Variants in EIF4E3 observed in about 807,000 individuals in gnomAD.
EIF4E3 encodes the protein eukaryotic translation initiation factor 4E type 3.
EIF4E3 carries 26 observed loss-of-function variants against 31.7 expected under a neutral mutation model. The ratio of observed to expected loss-of-function variants is 0.82; its 90% confidence interval spans 0.60 to 1.14. The LOEUF (loss-of-function observed/expected upper bound fraction) is 1.14. Among genes scored for constraint, EIF4E3 ranks in the 50% most tolerant of loss-of-function variants. The pLI is 0.00. For synonymous variants in EIF4E3, 128 were observed against 107.7 expected, an observed-to-expected ratio of 1.19 and a Z score of -1.17; for missense variants, 304 against 270.9, an observed-to-expected ratio of 1.12 and a Z score of -0.86.
intron 1 of EIF4E3, among the ~76,000 whole-genome samples, chr3:71,748,510 A>T (rs559020452): frequency 6.6e-6 from 1 of 152,250 alleles, no homozygotes; most frequent in Non-Finnish European, 1.5e-5. Flanking sequence ...ACTGAGAGAG[A>T]GGGGAGCTGC....
At chr3:71,709,295 T>G (rs984680651) in intron 2 of EIF4E3, among the ~76,000 whole-genome samples, 1 of 152,232 alleles carries the variant, frequency 6.6e-6, no homozygotes, top group Non-Finnish European at 1.5e-5. Context: ...ATTCTCTACC[T>G]GCACCAGCCC....
chr3:71,707,726 AAAAGAAT>A (rs1252030774), intron 2 of EIF4E3, among the ~76,000 whole-genome samples: 1 of 152,078 alleles, frequency 6.6e-6, no homozygotes, highest in African/African-American at 2.4e-5. Context: ...TTTGTACGTA[AAAAGAAT>A]GAGATTTGTT....
rs1042414707 is a variant in EIF4E3 at position 71,676,292 on chromosome 3, C to T, written c.*8390G>A. On this transcript the variant is annotated 3_prime_UTR_variant, in exon 7 of 7. Transcript: ENST00000425534. ...AACCAGAGAGAAATGCAAGTGTCTC[C>T]TGTAGGTCAGGATAATGGTTATTTT... 1 of 152,054 alleles carries T rather than the reference C, an allele frequency of 6.6e-6. No individual in the cohort carries two copies. The highest frequency in any genetic ancestry group is 2.4e-5 in the African/African-American group (1 of 41,382). 9.4% of individuals were successfully genotyped at this position (152,054 alleles called of 1,614,324 possible).
the EIF4E3 span, among the ~76,000 whole-genome samples, chr3:71,665,306 A>G: frequency 6.6e-6 from 1 of 152,228 alleles, no homozygotes; most frequent in Admixed American, 6.5e-5. Flanking sequence ...GACTCCAGCC[A>G]GTGAGCCAGA....
At chr3:71,663,104 T>C in the EIF4E3 span, among the ~76,000 whole-genome samples, 2 of 152,144 alleles carry the variant, frequency 1.3e-5, no homozygotes, top group Non-Finnish European at 2.9e-5. Context: ...GCCAAGCCCC[T>C]TGCAAGCCGC....
intron 1 of EIF4E3, among the ~76,000 whole-genome samples, chr3:71,746,505 C>T (rs1201742428): frequency 1.3e-5 from 2 of 152,166 alleles, no homozygotes; most frequent in South Asian, 4.1e-4. Context: ...TGACTTATTT[C>T]TGTGGCCAGC....
intron 3 of EIF4E3, among the ~76,000 whole-genome samples, chr3:71,696,861 G>A (rs1000123616): frequency 3.4e-5 from 5 of 146,106 alleles, no homozygotes; most frequent in Admixed American, 6.8e-5. Flanking sequence ...GACTACAGGC[G>A]TCCGCCACCA....
chr3:71,707,829 G>T (rs1311295827), intron 2 of EIF4E3, among the ~76,000 whole-genome samples: 2 of 151,000 alleles, frequency 1.3e-5, no homozygotes, highest in African/African-American at 2.4e-5. Flanking sequence ...GCAGTCTGTT[G>T]TGACTCAGGA....
chr3:71,740,858 C>T (rs1215535832), intron 1 of EIF4E3, among the ~76,000 whole-genome samples: 1 of 152,178 alleles, frequency 6.6e-6, no homozygotes, highest in Non-Finnish European at 1.5e-5. Context: ...ACATCCCAGC[C>T]GGCCGCGGTG....
chr3:71,678,505 G>C lies in EIF4E3; in HGVS notation c.*6177C>G, dbSNP rs1220854607. 1 of 152,024 alleles carries C rather than the reference G, an allele frequency of 6.6e-6. No individual in the cohort carries two copies. The highest frequency in any genetic ancestry group is 1.5e-5 in the Non-Finnish European group (1 of 67,996). The allele number at this position is 152,024 out of a possible 1,614,324, so 9.4% of individuals were successfully genotyped here. On this transcript the variant is annotated 3_prime_UTR_variant, in exon 7 of 7. Coordinates refer to ENST00000425534, the MANE Select transcript of EIF4E3 (RefSeq NM_001134651.2). ...CTTACCTTATTGCTGCAAAAGGCTG[G>C]AATAAAAAATACTGACTTATAGAAG...
At chr3:71,712,636 G>GA (rs2049396703) in intron 1 of EIF4E3, among the ~76,000 whole-genome samples, 1 of 55,140 alleles carries the variant, frequency 1.8e-5, no homozygotes, top group Non-Finnish European at 3.6e-5. Flanking sequence ...TGCGGGGGGT[G>GA]GGCGGGGGAG....
At chr3:71,684,912 C>T (rs978800133) in intron 6 of EIF4E3, among the ~76,000 whole-genome samples, 184 bp from the exon 7 acceptor site, 2 of 152,040 alleles carry the variant, frequency 1.3e-5, no homozygotes, top group Admixed American at 1.3e-4. Flanking sequence ...TCCTGAGAAA[C>T]GTAATAATGA....
At chr3:71,699,844 A>T in intron 2 of EIF4E3, 136 bp from the exon 3 acceptor site, 1 of 669,094 alleles carries the variant, frequency 1.5e-6, no homozygotes, top group South Asian at 1.9e-5. Context: ...TTTTCTCAGT[A>T]TCCCTTCTAA....
chr3:71,738,082 T>C (rs992354630), intron 1 of EIF4E3, among the ~76,000 whole-genome samples: 2 of 152,196 alleles, frequency 1.3e-5, no homozygotes, highest in African/African-American at 4.8e-5. Context: ...GGGACCTCAG[T>C]AGTTAAAGAA....
At position 71,684,420 on chromosome 3, in the gene EIF4E3, A is replaced by T; in HGVS notation, c.*262T>A. ...AAAAAAAAAAAAAATCAGAGTGAAAAGAACAGAGAATTTAGAAAGCCAAAA... is the reference window on the plus strand; with the variant it reads ...AAAAAAAAAAAAAATCAGAGTGAAATGAACAGAGAATTTAGAAAGCCAAAA... On this transcript the variant is annotated 3_prime_UTR_variant, in exon 7 of 7. Transcript: ENST00000425534. The T allele has an allele frequency of 2.9e-6, 1 of 344,238 alleles. No homozygotes were observed. 21.3% of individuals were successfully genotyped at this position (344,238 alleles called of 1,614,324 possible).
intron 1 of EIF4E3, among the ~76,000 whole-genome samples, chr3:71,721,452 A>C (rs369920020): frequency 8.0e-4 from 122 of 152,338 alleles, no homozygotes; most frequent in Non-Finnish European, 1.3e-3. Flanking sequence ...GTCAGGCAAC[A>C]TAAGATGGTT....
intron 2 of EIF4E3, among the ~76,000 whole-genome samples, chr3:71,706,926 T>C (rs1015236158): frequency 2.0e-5 from 3 of 152,206 alleles, no homozygotes; most frequent in African/African-American, 7.2e-5. Context: ...GGCCAGTTCT[T>C]AAATACTAAG....
At chr3:71,754,745 G>A, upstream of EIF4E3, 22 of 1,385,552 alleles carry the variant, frequency 1.6e-5, no homozygotes, top group African/African-American at 3.0e-5. The surrounding 1 kb of genome is among the most constrained non-coding windows in gnomAD (Gnocchi z 5.8). Flanking sequence ...TCCACGGCCC[G>A]GGCGCCACCG....
chr3:71,727,638 G>A (rs935534914), upstream of EIF4E3, among the ~76,000 whole-genome samples: 4 of 152,190 alleles, frequency 2.6e-5, no homozygotes, highest in African/African-American at 9.6e-5. Flanking sequence ...GATACATATT[G>A]CCAAATTGCT....
Sources: allele counts gnomAD v4.1 joint callset (sites outside exome capture counted in the v4.1 genomes callset), GRCh38; gene constraint gnomAD v4.1.1; non-coding constraint Gnocchi (gnomAD v3.1); transcripts MANE v1.5; gene names NCBI Gene and HGNC (gene_info 2026-07-23, HGNC 2026-07-21).